Variants in OPA1 observed in about 807,000 individuals in gnomAD.
OPA1 encodes the protein dynamin-like GTPase OPA1, mitochondrial.
Under a neutral mutation model 152.9 loss-of-function variants are expected in OPA1, and 59 were observed. The ratio of observed to expected loss-of-function variants is 0.39; its 90% CI spans 0.31 to 0.48. OPA1 has a LOEUF of 0.48. Ranked by LOEUF, OPA1 falls within the 20% of genes least tolerant of loss-of-function variation. The pLI, the probability that OPA1 is intolerant of heterozygous loss-of-function variation, is 0.96. For synonymous variants in OPA1, 400 were observed against 389.9 expected, an observed-to-expected ratio of 1.03 and a Z score of -0.31; for missense variants, 1,008 against 1,216.8, an observed-to-expected ratio of 0.83 and a Z score of 2.55.
In OPA1 at chr3:193,643,168, T is replaced by TA. The variant is rs112385163; in HGVS notation, c.1305+128dup. The TA allele has an allele frequency of 6.3e-3, 5,836 of 933,388 alleles. 222 individuals are homozygous for TA. The African/African-American group carries it at 0.083, about 13-fold the overall frequency. 57.8% of individuals were successfully genotyped at this position (933,388 alleles called of 1,614,324 possible). On this transcript the variant is annotated intron_variant, in intron 13 of 30. Transcript: ENST00000361510. The stretch of plus-strand genomic sequence containing the variant: ...CTGCTATCTAGATATGTAGAGCTTT[T>TA]AAAAAAAAATCCAAATAATATATCA...
rs75414918 is a variant in OPA1, at chr3:193,614,733, C to A, written c.43C>A (p.Gln15Lys). Reference sequence around the variant, plus strand: ...TCATTTTTCTTTCAGTGAGGTCTGCCAGTCTTTAGTGAAACACAGCTCTGG... The same window carrying A: ...TCATTTTTCTTTCAGTGAGGTCTGCAAGTCTTTAGTGAAACACAGCTCTGG... ...RRAAVACEVCQSLVKHSSGIK... is the reference protein window; with the variant it reads ...RRAAVACEVCKSLVKHSSGIK... Residue 15 changes from glutamine (Q) to lysine (K), a missense_variant, in exon 2 of 31, where the codon CAG (glutamine) becomes AAG (lysine). Around this residue, in one of 7 missense-constraint regions of OPA1, gnomAD observed 408 missense variants for 395.1 expected, o/e 1.03. Coordinates refer to ENST00000361510, the MANE Select transcript of OPA1 (RefSeq NM_130837.3). 6,682 of 1,612,714 alleles carry A rather than the reference C, an allele frequency of 4.1e-3. 85 individuals are homozygous for A. Among genetic ancestry groups the A allele is most frequent in the South Asian group, 0.023 (2,134 of 91,034 alleles).
At chr3:193,685,780 T>A (rs998428045) in intron 29 of OPA1, among the ~76,000 whole-genome samples, 3 of 152,246 alleles carry the variant, frequency 2.0e-5, no homozygotes, top group Admixed American at 6.5e-5. Context: ...ACAAAAAAAA[T>A]TTAAAAGATG....
intron 29 of OPA1, among the ~76,000 whole-genome samples, chr3:193,690,707 G>T (rs1409334802): frequency 6.6e-6 from 1 of 152,002 alleles, no homozygotes; most frequent in Non-Finnish European, 1.5e-5. Flanking sequence ...TTCAATTGCA[G>T]ATTATTTACT....
At chr3:193,643,828 C>A (rs1016226) in intron 15 of OPA1, 147 bp from the exon 16 acceptor site, 1 of 963,806 alleles carries the variant, frequency 1.0e-6, no homozygotes, top group Non-Finnish European at 1.5e-6. Context: ...AAATTTTTAT[C>A]GGCTAGGATT....
chr3:193,654,736 CA>C (rs1433899201), intron 21 of OPA1, 125 bp from the exon 22 acceptor site: 2 of 942,136 alleles, frequency 2.1e-6, no homozygotes, highest in Non-Finnish European at 3.3e-6. Context: ...GGTATATACA[CA>C]TGTGAAAACT....
intron 29 of OPA1, among the ~76,000 whole-genome samples, chr3:193,674,692 C>G (rs1237364612): frequency 2.6e-5 from 4 of 152,192 alleles, no homozygotes; most frequent in African/African-American, 7.2e-5. Context: ...AAGAAAACAT[C>G]AAGGTACCCT....
At chr3:193,638,662 T>A (rs1733301647) in intron 11 of OPA1, among the ~76,000 whole-genome samples, 2 of 152,138 alleles carry the variant, frequency 1.3e-5, no homozygotes, top group Non-Finnish European at 2.9e-5. Flanking sequence ...AAAAGTCAGA[T>A]TTATCAAATC....
rs1577422301 is a variant in OPA1 at position 193,696,834 on chromosome 3, G to A, written c.*2234G>A. ...TGATATCCAAACTTAATTTGGCTAGGACTTCAATTTTAAAAATCAGTGTAC... is the reference window on the plus strand; with the variant it reads ...TGATATCCAAACTTAATTTGGCTAGAACTTCAATTTTAAAAATCAGTGTAC... On this transcript the variant is annotated 3_prime_UTR_variant, in exon 31 of 31. Coordinates refer to ENST00000361510, the MANE Select transcript of OPA1 (RefSeq NM_130837.3). The A allele has an allele frequency of 6.6e-6, 1 of 152,174 alleles. No individual in the cohort carries two copies. Among genetic ancestry groups the A allele is most frequent in the East Asian group, 1.9e-4 (1 of 5,202 alleles). The allele number at this position is 152,174 out of a possible 1,614,324, so 9.4% of individuals were successfully genotyped here. A position where few individuals can be genotyped will look rare whatever the true frequency, so the allele number is the denominator to read the frequency against.
At chr3:193,687,838 C>T (rs1174847650) in intron 29 of OPA1, among the ~76,000 whole-genome samples, 3 of 152,162 alleles carry the variant, frequency 2.0e-5, no homozygotes, top group South Asian at 2.1e-4. Context: ...AGCAAGAAAT[C>T]GGAATGTAGT....
rs549560602 is a variant in OPA1 at position 193,681,755 on chromosome 3, G to A, written c.2984-10308G>A. 2.6e-5 allele frequency among the ~76,000 whole-genome samples: 4 copies of A among 152,020 alleles called. No homozygotes were observed. In the East Asian group the frequency reaches 7.7e-4, roughly 29 times the overall value. ...TCTGTCTGTCATGGTGATCTTTGAT[G>A]TTTGTATTGTAGCTATTTTGGGTAC... is the stretch of plus-strand genomic sequence containing the variant. On this transcript the variant is annotated intron_variant, in intron 29 of 30. Coordinates refer to ENST00000361510, the MANE Select transcript of OPA1 (RefSeq NM_130837.3).
intron 1 of OPA1, among the ~76,000 whole-genome samples, chr3:193,600,342 G>A (rs191160027): frequency 1.3e-5 from 2 of 152,306 alleles, no homozygotes; most frequent in African/African-American, 2.4e-5. Context: ...GAATTCACAA[G>A]TTGCAACTTT....
At chr3:193,651,285 T>C (rs1232798019) in intron 21 of OPA1, among the ~76,000 whole-genome samples, 2 of 152,182 alleles carry the variant, frequency 1.3e-5, no homozygotes, top group East Asian at 3.8e-4. Flanking sequence ...AGGAGGCAGT[T>C]GGCTTTTGCA....
chr3:193,676,944 G>A (rs1046379418), intron 29 of OPA1, among the ~76,000 whole-genome samples: 28 of 130,752 alleles, frequency 2.1e-4, no homozygotes, highest in Non-Finnish European at 3.8e-4. Flanking sequence ...TCGCGCCACT[G>A]CACTCCAGCC....
intron 8 of OPA1, among the ~76,000 whole-genome samples, chr3:193,633,761 C>T (rs1732480850): frequency 6.6e-6 from 1 of 152,170 alleles, no homozygotes; most frequent in African/African-American, 2.4e-5. Flanking sequence ...ACACTTACAG[C>T]ACAACCTCAC....
intron 9 of OPA1, among the ~76,000 whole-genome samples, chr3:193,636,598 G>A (rs1344317083): frequency 6.6e-6 from 1 of 151,190 alleles, no homozygotes. Flanking sequence ...CTTGTTACAC[G>A]CAATGCAAGG....
rs77173739 is a variant in OPA1, at chr3:193,615,016, T to C, written c.326T>C (p.Val109Ala). ...KLRYLILGSA[V>A]GGGYTAKKTF... ...CGCTATCTCATACTAGGATCGGCTGTTGGGGGTGGCTACACAGCCAAAAAG... is the reference window on the plus strand; with the variant it reads ...CGCTATCTCATACTAGGATCGGCTGCTGGGGGTGGCTACACAGCCAAAAAG... Residue 109 changes from valine to alanine, a missense_variant, in exon 2 of 31, where the codon GTT becomes GCT. Val to Ala is a moderately conservative substitution (Grantham distance 64, BLOSUM62 0). Transcript: ENST00000361510. 17 of 1,613,826 alleles carry C rather than the reference T, an allele frequency of 1.1e-5. No individual in the cohort carries two copies. The highest frequency in any genetic ancestry group is 1.6e-4 in the Middle Eastern group (1 of 6,082).
intron 29 of OPA1, among the ~76,000 whole-genome samples, chr3:193,681,819 TAA>T (rs1377575906): frequency 6.6e-5 from 10 of 152,242 alleles, no homozygotes; most frequent in African/African-American, 2.4e-4. Context: ...CCTTAATCAG[TAA>T]ACGTGTGTAT....
In OPA1 at chr3:193,669,108, C is replaced by T. The variant is rs546135693; in HGVS notation, c.2983+1828C>T. Among the ~76,000 whole-genome samples the T allele has an allele frequency of 3.9e-5, 6 of 152,242 alleles. No individual in the cohort carries two copies. The South Asian group carries it at 1.2e-3, about 32-fold the overall frequency. The stretch of plus-strand genomic sequence containing the variant: ...AAGAAGTTCTGCAAATTTAAAAGTG[C>T]CTTCTAAGCTGAGTTGTAGGATTAC... On this transcript the variant is annotated intron_variant, in intron 29 of 30. Transcript: ENST00000361510.
intron 11 of OPA1, among the ~76,000 whole-genome samples, chr3:193,641,654 A>G (rs1733805321): frequency 6.6e-6 from 1 of 152,216 alleles, no homozygotes; most frequent in Non-Finnish European, 1.5e-5. Context: ...GAAAATAGCT[A>G]AACAGCTTTC....
Sources: allele counts gnomAD v4.1 joint callset (sites outside exome capture counted in the v4.1 genomes callset), GRCh38; gene constraint gnomAD v4.1.1; regional missense constraint gnomAD v4.1.1; transcripts MANE v1.5; gene names NCBI Gene and HGNC (gene_info 2026-07-23, HGNC 2026-07-21).